TCEA1: variants seen among roughly 807,000 people sequenced by gnomAD.
The protein encoded by TCEA1 is transcription elongation factor A protein 1.
A neutral mutation model predicts 43.8 loss-of-function variants in TCEA1; 21 were observed. The observed-to-expected ratio is 0.48, with a 90% CI of 0.34 to 0.69. The LOEUF is 0.69. Among genes scored for constraint, TCEA1 ranks in the 30% least tolerant of loss-of-function variants. The pLI, the probability that TCEA1 is intolerant of heterozygous loss-of-function variation, is 0.01. For missense variants in TCEA1, 250 were observed against 365.1 expected, an observed-to-expected ratio of 0.68 and a Z score of 2.57; for synonymous variants, 104 against 117.5, an observed-to-expected ratio of 0.88 and a Z score of 0.75.
intron 4 of TCEA1, among the ~76,000 whole-genome samples, chr8:53,992,208 A>G (rs1264920669): frequency 6.6e-6 from 1 of 151,804 alleles, no homozygotes; most frequent in African/African-American, 2.4e-5. Context: ...GCTACTCAGG[A>G]GACTGAGGCA....
At chr8:53,983,234 TTATAG>T (rs1293074867) in intron 7 of TCEA1, among the ~76,000 whole-genome samples, 1 of 152,200 alleles carries the variant, frequency 6.6e-6, no homozygotes, top group African/African-American at 2.4e-5. Context: ...ATTTAGTAGA[TTATAG>T]TATAAGCATA....
At chr8:53,987,136 A>G in intron 5 of TCEA1, 111 bp from the exon 6 acceptor site, 1 of 890,808 alleles carries the variant, frequency 1.1e-6, no homozygotes, top group Non-Finnish European at 1.8e-6. Context: ...TGCCTGACAT[A>G]AAGAAACCGT....
Position 53,979,183 on chromosome 8 carries a change from G to A in TCEA1, c.679-12C>T. 1 of 1,609,622 alleles carries A rather than the reference G, an allele frequency of 6.2e-7. No individual in the cohort carries two copies. The highest frequency in any genetic ancestry group is 1.3e-5 in the African/African-American group (1 of 74,896). ...TCACTAGCCATTTCCTATGAGGTAGGGGGCAATACCACTCAGTTATAGACA... is the reference window on the plus strand; with the variant it reads ...TCACTAGCCATTTCCTATGAGGTAGAGGGCAATACCACTCAGTTATAGACA... On this transcript the variant is annotated splice_polypyrimidine_tract_variant and intron_variant, in intron 7 of 9. Coordinates refer to ENST00000521604, the MANE Select transcript of TCEA1 (RefSeq NM_006756.4).
At chr8:53,978,919 G>C (rs1803422767) in intron 8 of TCEA1, 106 bp downstream of exon 8, 1 of 1,309,484 alleles carries the variant, frequency 7.6e-7, no homozygotes, top group African/African-American at 1.5e-5. Flanking sequence ...TCCCTCCATG[G>C]ATAAGTGAGG....
At chr8:53,976,683 T>C (rs1403192379) in intron 8 of TCEA1, among the ~76,000 whole-genome samples, 1 of 139,714 alleles carries the variant, frequency 7.2e-6, no homozygotes, top group African/African-American at 3.4e-5. Flanking sequence ...TTTTAACTTT[T>C]AAATAACTAT....
At chr8:54,009,683 G>A (rs1388402130) in intron 2 of TCEA1, 1 of 152,204 alleles carries the variant, frequency 6.6e-6, no homozygotes, top group Non-Finnish European at 1.5e-5. Context: ...AGTGAGGCAA[G>A]GGAATGAAGA....
At chr8:54,015,843 C>CT (rs1804804317) in intron 1 of TCEA1, among the ~76,000 whole-genome samples, 1 of 152,144 alleles carries the variant, frequency 6.6e-6, no homozygotes, top group South Asian at 2.1e-4. Flanking sequence ...GACCCTGACT[C>CT]TTTTCTAAAA....
chr8:54,009,426 GC>G (rs1804579779), intron 2 of TCEA1, among the ~76,000 whole-genome samples: 1 of 152,078 alleles, frequency 6.6e-6, no homozygotes, highest in Non-Finnish European at 1.5e-5. Context: ...CAACCTAAGT[GC>G]CCATCAATGA....
intron 2 of TCEA1, among the ~76,000 whole-genome samples, chr8:54,004,337 C>T (rs1000147985): frequency 7.2e-5 from 11 of 152,162 alleles, no homozygotes; most frequent in Admixed American, 2.0e-4. Flanking sequence ...TATATAAACA[C>T]GCATAGCAGT....
rs1330490194 is a variant in TCEA1 at position 54,000,627 on chromosome 8, C to G, written c.127-577G>C. On this transcript the variant is annotated intron_variant, in intron 2 of 9. Transcript: ENST00000521604. ...TACGTGCCTAGAATTATGCTTAGAGCATCCACATTCATCAATCTTTCTAAC... is the reference window on the plus strand; with the variant it reads ...TACGTGCCTAGAATTATGCTTAGAGGATCCACATTCATCAATCTTTCTAAC... Among the ~76,000 whole-genome samples the G allele has an allele frequency of 2.0e-5, 3 of 152,138 alleles. No homozygotes were observed. The East Asian group carries it at 5.8e-4, about 29-fold the overall frequency.
chr8:53,968,483 C>G (rs1279981701), intron 9 of TCEA1, among the ~76,000 whole-genome samples: 1 of 152,068 alleles, frequency 6.6e-6, no homozygotes, highest in East Asian at 1.9e-4. Flanking sequence ...AGTACTATGT[C>G]AAAACTTGTG....
At chr8:53,976,168 G>A (rs551106881) in intron 8 of TCEA1, among the ~76,000 whole-genome samples, 1 of 152,082 alleles carries the variant, frequency 6.6e-6, no homozygotes, top group African/African-American at 2.4e-5. Context: ...CTGAAATTCC[G>A]TAAGAGATGA....
At chr8:53,993,827 C>T in intron 3 of TCEA1, 72 bp from the exon 4 acceptor site, 1 of 1,199,416 alleles carries the variant, frequency 8.3e-7, no homozygotes, top group Non-Finnish European at 1.2e-6. Context: ...CGTTAACAGG[C>T]TATTTGCACA....
At chr8:54,008,171 T>TC (rs1554533664) in intron 2 of TCEA1, among the ~76,000 whole-genome samples, 3 of 33,352 alleles carry the variant, frequency 9.0e-5, no homozygotes, top group Non-Finnish European at 1.6e-4. Context: ...AAACTGTGTC[T>TC]CAAAAAAAAA....
At chr8:54,003,861 AAG>A (rs1043208744) in intron 2 of TCEA1, among the ~76,000 whole-genome samples, 2 of 152,152 alleles carry the variant, frequency 1.3e-5, no homozygotes, top group Non-Finnish European at 2.9e-5. Flanking sequence ...TTCACAGAAA[AAG>A]AGACAATATT....
chr8:53,977,650 G>A (rs1168036775), intron 8 of TCEA1, among the ~76,000 whole-genome samples: 2 of 151,922 alleles, frequency 1.3e-5, no homozygotes, highest in Non-Finnish European at 2.9e-5. Flanking sequence ...ACAATCTTGA[G>A]TTTACAGCAG....
At chr8:54,017,732 G>GA (rs1303234852) in intron 1 of TCEA1, among the ~76,000 whole-genome samples, 1 of 152,214 alleles carries the variant, frequency 6.6e-6, no homozygotes, top group Admixed American at 6.5e-5. Context: ...ACCAGCCTGA[G>GA]AAAAATGGTA....
chr8:53,976,542 G>C (rs181039952), intron 8 of TCEA1, among the ~76,000 whole-genome samples: 236 of 152,256 alleles, frequency 1.6e-3, no homozygotes, highest in African/African-American at 5.4e-3. Context: ...GTGATTCTAA[G>C]AAAATCATAC....
At chr8:53,970,705 C>G (rs1311133339) in intron 8 of TCEA1, among the ~76,000 whole-genome samples, 1 of 152,082 alleles carries the variant, frequency 6.6e-6, no homozygotes, top group East Asian at 1.9e-4. Context: ...TGGGAAAATC[C>G]TCTAAAGTCA....
Sources: gnomAD v4.1 joint callset for allele counts (sites outside exome capture counted in the v4.1 genomes callset) on GRCh38, gnomAD v4.1.1 for gene constraint, MANE v1.5 for transcripts, NCBI Gene and HGNC (gene_info 2026-07-23, HGNC 2026-07-21) for gene names.